The following IGF2BP2 variants were observed in gnomAD, a reference collection of about 807,000 sequenced individuals.
IGF2BP2 encodes the protein insulin-like growth factor 2 mRNA-binding protein 2.
A neutral mutation model predicts 75.8 loss-of-function variants in IGF2BP2; 17 were observed. That is an observed-to-expected ratio of 0.22 (90% CI 0.15 to 0.34). IGF2BP2 has a LOEUF of 0.34. Among genes scored for constraint, IGF2BP2 ranks in the 10% least tolerant of loss-of-function variants. The pLI is 1.00. For missense variants in IGF2BP2, 516 were observed against 772.4 expected, an observed-to-expected ratio of 0.67 and a Z score of 3.93; for synonymous variants, 288 against 295.6, an observed-to-expected ratio of 0.97 and a Z score of 0.26.
chr3:185,712,367 G>GA (rs1578060374), intron 2 of IGF2BP2, among the ~76,000 whole-genome samples: 1 of 152,050 alleles, frequency 6.6e-6, no homozygotes, highest in African/African-American at 2.4e-5. Flanking sequence ...AATGACGTAA[G>GA]AAAAAATACA....
intron 12 of IGF2BP2, among the ~76,000 whole-genome samples, chr3:185,652,741 T>C (rs912775487): frequency 1.3e-5 from 2 of 152,158 alleles, no homozygotes; most frequent in Admixed American, 1.3e-4. Flanking sequence ...GGAGGCACGT[T>C]GGTTCTAGTC....
chr3:185,707,086 G>A (rs1724128387), intron 2 of IGF2BP2, among the ~76,000 whole-genome samples: 1 of 151,760 alleles, frequency 6.6e-6, no homozygotes, highest in Non-Finnish European at 1.5e-5. Flanking sequence ...TTAGTCAGAT[G>A]TGGTGGCACA....
At chr3:185,701,366 G>C (rs1423606045) in intron 2 of IGF2BP2, among the ~76,000 whole-genome samples, 1 of 73,864 alleles carries the variant, frequency 1.4e-5, no homozygotes, top group Non-Finnish European at 2.9e-5. Context: ...AACCTGCTAA[G>C]TAAAAAAAAA....
chr3:185,771,310 G>T (rs1248135259), intron 2 of IGF2BP2, among the ~76,000 whole-genome samples: 2 of 151,960 alleles, frequency 1.3e-5, no homozygotes, highest in Admixed American at 1.3e-4. Flanking sequence ...GTGTGGTGGT[G>T]CACGCCTATA....
intron 7 of IGF2BP2, among the ~76,000 whole-genome samples, chr3:185,676,744 A>G (rs1471894549): frequency 7.7e-6 from 1 of 130,398 alleles, no homozygotes; most frequent in East Asian, 2.1e-4. Flanking sequence ...ATATATATAT[A>G]TATTTACTGG....
At chr3:185,822,318 A>G (rs1741469002) in intron 2 of IGF2BP2, among the ~76,000 whole-genome samples, 1 of 152,240 alleles carries the variant, frequency 6.6e-6, no homozygotes, top group Non-Finnish European at 1.5e-5. Flanking sequence ...TGAATGGGAT[A>G]TAAACTAAGT....
chr3:185,654,441 T>C (rs940170866), intron 12 of IGF2BP2, among the ~76,000 whole-genome samples: 1 of 152,206 alleles, frequency 6.6e-6, no homozygotes, highest in Non-Finnish European at 1.5e-5. Context: ...TCCCAGCTCC[T>C]ACCACCACCC....
intron 2 of IGF2BP2, among the ~76,000 whole-genome samples, chr3:185,800,444 T>TA (rs547569788): frequency 5.9e-5 from 9 of 151,400 alleles, no homozygotes; most frequent in Non-Finnish European, 1.3e-4. Flanking sequence ...ATAATAAAAA[T>TA]AAAAAAAAGT....
At chr3:185,763,572 A>G (rs983716989) in intron 2 of IGF2BP2, among the ~76,000 whole-genome samples, 4 of 152,234 alleles carry the variant, frequency 2.6e-5, no homozygotes, top group Non-Finnish European at 5.9e-5. Context: ...ACTGTGCTCA[A>G]GGCCTGTGGA....
chr3:185,823,278 GGCAC>G (rs1741598712), intron 1 of IGF2BP2, 65 bp from the exon 2 acceptor site: 11 of 1,287,504 alleles, frequency 8.5e-6, no homozygotes, highest in African/African-American at 1.5e-5. Context: ...GTCTAGGGGG[GGCAC>G]GCACGGAACT....
At chr3:185,824,715 C>G in intron 1 of IGF2BP2, 68 bp downstream of exon 1, 3 of 1,185,932 alleles carry the variant, frequency 2.5e-6, no homozygotes, top group Non-Finnish European at 3.2e-6. Context: ...CGGACTCGGC[C>G]TCCCTCCCGG....
chr3:185,760,547 C>T (rs1441270434), intron 2 of IGF2BP2, among the ~76,000 whole-genome samples: 1 of 152,228 alleles, frequency 6.6e-6, no homozygotes, highest in Non-Finnish European at 1.5e-5. Context: ...GTCTCTCCCT[C>T]ACCAGCCTCG....
At position 185,825,008 on chromosome 3, in the gene IGF2BP2, G is replaced by T. The variant is rs370101466; in HGVS notation, c.-48C>A. Reference sequence around the variant, plus strand: ...CGGCTCCCCCGGCCCGGTACCCGGCGCTCCTCGCCTCCTCCGCTGCCCTCG... The same window carrying T: ...CGGCTCCCCCGGCCCGGTACCCGGCTCTCCTCGCCTCCTCCGCTGCCCTCG... On this transcript the variant is annotated 5_prime_UTR_variant, in exon 1 of 16. Coordinates refer to ENST00000382199, the MANE Select transcript of IGF2BP2 (RefSeq NM_006548.6). 4 of 1,401,876 alleles carry T rather than the reference G, an allele frequency of 2.9e-6. No homozygotes were observed. The highest frequency in any genetic ancestry group is 2.3e-5 in the Admixed American group (1 of 42,922). The allele number at this position is 1,401,876 out of a possible 1,614,324, so 86.8% of individuals were successfully genotyped here.
intron 4 of IGF2BP2, among the ~76,000 whole-genome samples, chr3:185,694,456 C>T (rs780634642): frequency 2.6e-5 from 4 of 152,192 alleles, no homozygotes; most frequent in East Asian, 1.9e-4. Context: ...GATTCTGTGA[C>T]GAGCTAAGCT....
At chr3:185,797,426 AC>A (rs1737572175) in intron 2 of IGF2BP2, among the ~76,000 whole-genome samples, 1 of 152,202 alleles carries the variant, frequency 6.6e-6, no homozygotes, top group African/African-American at 2.4e-5. Context: ...TAATTTGGAC[AC>A]CCCAAAGAGA....
At chr3:185,694,220 G>A (rs1350192011) in intron 4 of IGF2BP2, among the ~76,000 whole-genome samples, 2 of 152,214 alleles carry the variant, frequency 1.3e-5, no homozygotes, top group Non-Finnish European at 2.9e-5. Context: ...CAGGGGAGGT[G>A]TAGCACATTA....
intron 2 of IGF2BP2, among the ~76,000 whole-genome samples, chr3:185,766,741 T>C (rs1162061323): frequency 6.6e-6 from 1 of 152,228 alleles, no homozygotes; most frequent in Non-Finnish European, 1.5e-5. Context: ...TTTTCCCTGG[T>C]ATATTCACAC....
chr3:185,685,362 A>G (rs901985932), intron 7 of IGF2BP2, among the ~76,000 whole-genome samples: 10 of 152,076 alleles, frequency 6.6e-5, no homozygotes, highest in Admixed American at 6.5e-5. Flanking sequence ...GGAATCCAGA[A>G]AAGTATTATT....
intron 2 of IGF2BP2, among the ~76,000 whole-genome samples, chr3:185,719,667 C>T (rs962947091): frequency 2.6e-5 from 4 of 152,148 alleles, no homozygotes; most frequent in Non-Finnish European, 4.4e-5. Context: ...AACCCTGTCT[C>T]TACTAAAAGT....
Sources: gnomAD v4.1 joint callset for allele counts (sites outside exome capture counted in the v4.1 genomes callset) on GRCh38, gnomAD v4.1.1 for gene constraint, MANE v1.5 for transcripts, NCBI Gene and HGNC (gene_info 2026-07-23, HGNC 2026-07-21) for gene names.